PCDHA5: variants seen among roughly 807,000 people sequenced by gnomAD.
The protein encoded by PCDHA5 is protocadherin alpha 5, also known as protocadherin alpha-5.
In PCDHA5, 43 loss-of-function variants were observed where a neutral mutation model predicts 61.6. That is an observed-to-expected ratio of 0.70 (90% CI 0.55 to 0.90). The LOEUF (loss-of-function observed/expected upper bound fraction) is 0.90. PCDHA5 is among the 40% of genes least tolerant of loss of function. PCDHA5 has a pLI of 0.00. For missense variants in PCDHA5, 1,298 were observed against 1,222.7 expected (o/e 1.06, Z -0.92); for synonymous variants, 627 against 543.9 (o/e 1.15, Z -2.13).
chr5:140,822,455 T>C lies in PCDHA5; in HGVS notation c.680T>C (p.Leu227Ser). 1 of 1,613,778 alleles carries C rather than the reference T, an allele frequency of 6.2e-7. No individual in the cohort carries two copies. Among genetic ancestry groups the C allele is most frequent in the Non-Finnish European group, 8.5e-7 (1 of 1,179,826 alleles). Reference protein sequence around the residue: ...GKPELTGTVQLLINVLDANDN... With the variant: ...GKPELTGTVQSLINVLDANDN... ...CCCGAACTAACAGGTACAGTTCAGT[T>C]GTTGATCAATGTATTGGATGCTAAT... Residue 227 changes from leucine to serine, a missense_variant, in exon 1 of 4, where the codon TTG becomes TCG. Coordinates refer to ENST00000529859, the MANE Select transcript of PCDHA5 (RefSeq NM_018908.3).
intron 1 of PCDHA5, chr5:140,850,802 C>T: frequency 6.3e-7 from 1 of 1,598,420 alleles, no homozygotes; most frequent in Non-Finnish European, 8.6e-7. Flanking sequence ...AGACCGACCT[C>T]ATGGCCTTCA....
chr5:140,907,272 C>T (rs1164055585), intron 1 of PCDHA5, among the ~76,000 whole-genome samples: 1 of 152,224 alleles, frequency 6.6e-6, no homozygotes, highest in Non-Finnish European at 1.5e-5. Flanking sequence ...GCCATTCCAT[C>T]ATTCTATCAA....
chr5:140,940,549 A>G (rs1554213474), intron 1 of PCDHA5, among the ~76,000 whole-genome samples: 1 of 152,110 alleles, frequency 6.6e-6, no homozygotes, highest in Non-Finnish European at 1.5e-5. Context: ...CCTGGGCTCA[A>G]GTGATTCTCC....
At chr5:141,005,192 TTTCA>T (rs1554259924) in intron 3 of PCDHA5, among the ~76,000 whole-genome samples, 1 of 152,220 alleles carries the variant, frequency 6.6e-6, no homozygotes, top group African/African-American at 2.4e-5. Context: ...ACATCAGTCC[TTTCA>T]TTCATTCATC....
intron 1 of PCDHA5, chr5:140,835,910 A>C (rs2150248144): frequency 1.2e-6 from 2 of 1,612,256 alleles, no homozygotes; most frequent in Non-Finnish European, 1.7e-6. Context: ...GCTACGTGTC[A>C]GTGCACGCGG....
chr5:140,834,216 C>A, intron 1 of PCDHA5: 2 of 658,062 alleles, frequency 3.0e-6, no homozygotes, highest in South Asian at 2.3e-5. Flanking sequence ...CTTTCGTAAT[C>A]AGCAAAAGGA....
chr5:140,929,078 G>A lies in PCDHA5; in HGVS notation c.2353-49871G>A, dbSNP rs144524128. On this transcript the variant is annotated intron_variant, in intron 1 of 3. Coordinates refer to ENST00000529859, the MANE Select transcript of PCDHA5 (RefSeq NM_018908.3). ...TCTACAGAGGATCTGAGGTATGGAA[G>A]TAAGATGGTTTCAAATCCTTGCATG... 20 of 1,614,208 alleles carry A rather than the reference G, an allele frequency of 1.2e-5. No individual in the cohort carries two copies. The African/African-American group carries it at 2.3e-4, about 18-fold the overall frequency.
chr5:140,922,176 CA>C (rs3836750), intron 1 of PCDHA5, among the ~76,000 whole-genome samples: 49,174 of 150,706 alleles, frequency 0.33, 8,259 homozygotes, highest in East Asian at 0.53. Context: ...GTACAGCAGA[CA>C]AAAAAAAAGT....
At chr5:140,966,885 C>G in intron 1 of PCDHA5, 1 of 1,590,818 alleles carries the variant, frequency 6.3e-7, no homozygotes, top group Non-Finnish European at 8.5e-7. Flanking sequence ...CCTGGCCCTG[C>G]GGCCTCCCAG....
At chr5:140,881,594 A>G (rs1464236535) in intron 1 of PCDHA5, among the ~76,000 whole-genome samples, 7 of 152,244 alleles carry the variant, frequency 4.6e-5, no homozygotes, top group Admixed American at 6.5e-5. Context: ...AGGGAAATTT[A>G]TTAATATGAT....
At chr5:140,901,452 A>G (rs1352830826) in intron 1 of PCDHA5, among the ~76,000 whole-genome samples, 1 of 152,120 alleles carries the variant, frequency 6.6e-6, no homozygotes, top group African/African-American at 2.4e-5. Flanking sequence ...TTCCCAGCAC[A>G]GACTGTCTTT....
rs540052499 is a variant in PCDHA5 at position 140,992,812 on chromosome 5, G to A, written c.2500+10249G>A. Among the ~76,000 whole-genome samples the A allele has an allele frequency of 2.5e-4, 38 of 152,228 alleles. No homozygotes were observed. The South Asian group carries it at 7.9e-3, about 32-fold the overall frequency. ...TTTTATGGATCCATATGTATCTAAG[G>A]ATGTGTTTGTTTTTTGGGAACATTT... is the stretch of plus-strand genomic sequence containing the variant. On this transcript the variant is annotated intron_variant, in intron 3 of 3. Transcript: ENST00000529859.
At chr5:140,945,131 A>C (rs1484443084) in intron 1 of PCDHA5, among the ~76,000 whole-genome samples, 1 of 152,202 alleles carries the variant, frequency 6.6e-6, no homozygotes, top group Non-Finnish European at 1.5e-5. Context: ...CAACTTACAA[A>C]AATCAATAGC....
At chr5:140,967,189 C>T (rs1554229286) in intron 1 of PCDHA5, 2 of 1,613,522 alleles carry the variant, frequency 1.2e-6, no homozygotes, top group Admixed American at 1.7e-5. Flanking sequence ...TATTGGACAT[C>T]AACGACAACT....
At chr5:140,849,842 C>A (rs2150452935) in intron 1 of PCDHA5, 1 of 1,598,534 alleles carries the variant, frequency 6.3e-7, no homozygotes, top group Non-Finnish European at 8.6e-7. Context: ...CCGACGTGAA[C>A]GACAACGCAC....
At chr5:140,839,740 A>T (rs1357885958) in intron 1 of PCDHA5, among the ~76,000 whole-genome samples, 1 of 152,020 alleles carries the variant, frequency 6.6e-6, no homozygotes, top group Non-Finnish European at 1.5e-5. Flanking sequence ...AAATACCCTT[A>T]TTTGCCTTTC....
chr5:140,825,713 C>T (rs1234281247), intron 1 of PCDHA5: 2 of 152,202 alleles, frequency 1.3e-5, no homozygotes, highest in African/African-American at 2.4e-5. Context: ...TGAGCCATCG[C>T]GCCTGGCCTA....
chr5:140,883,068 C>T lies in PCDHA5; in HGVS notation c.2352+58941C>T, dbSNP rs782726947. The stretch of plus-strand genomic sequence containing the variant: ...ACATTAGTGATCAAGCTAAATGCCA[C>T]AGATCCTGATGATGGTACAAATGGA... On this transcript the variant is annotated intron_variant, in intron 1 of 3. Coordinates refer to ENST00000529859, the MANE Select transcript of PCDHA5 (RefSeq NM_018908.3). The T allele has an allele frequency of 1.4e-5, 23 of 1,614,130 alleles. No homozygotes were observed. The highest frequency in any genetic ancestry group is 1.9e-5 in the Non-Finnish European group (23 of 1,180,028).
At chr5:140,978,615 T>C in intron 1 of PCDHA5, among the ~76,000 whole-genome samples, 1 of 152,238 alleles carries the variant, frequency 6.6e-6, no homozygotes, top group East Asian at 1.9e-4. Context: ...GCAAAAGCAG[T>C]GAAAGCTTTT....
Sources: allele counts gnomAD v4.1 joint callset (sites outside exome capture counted in the v4.1 genomes callset), GRCh38; gene constraint gnomAD v4.1.1; transcripts MANE v1.5; gene names NCBI Gene and HGNC (gene_info 2026-07-23, HGNC 2026-07-21).